Variants in UBE2E2 observed in about 807,000 individuals in gnomAD.
UBE2E2 encodes the protein ubiquitin conjugating enzyme E2 E2.
A neutral mutation model predicts 24.7 loss-of-function variants in UBE2E2; 6 were observed. The observed-to-expected ratio is 0.24, with a 90% CI of 0.13 to 0.48. UBE2E2 has a LOEUF of 0.48. UBE2E2 is among the 20% of genes least tolerant of loss of function. The probability of loss-of-function intolerance (pLI) is 0.99; values close to 1 mark genes in which losing one functional copy is unlikely to be tolerated. For synonymous variants in UBE2E2, 104 were observed against 83.6 expected (o/e 1.24, Z -1.33); for missense variants, 169 against 245.0 (o/e 0.69, Z 2.07).
intron 3 of UBE2E2, among the ~76,000 whole-genome samples, chr3:23,391,101 T>C (rs770242203): frequency 1.3e-5 from 2 of 152,228 alleles, no homozygotes; most frequent in Admixed American, 6.5e-5. Context: ...AGGTATATTA[T>C]CACTATTTTG....
intron 3 of UBE2E2, among the ~76,000 whole-genome samples, chr3:23,390,844 G>A (rs1575601163): frequency 6.6e-6 from 1 of 152,134 alleles, no homozygotes; most frequent in East Asian, 1.9e-4. Flanking sequence ...TGTTGTATAT[G>A]AACATGACAA....
rs1424561098 is a variant in UBE2E2 at position 23,407,439 on chromosome 3, A to G, written c.228-92169A>G. Among the ~76,000 whole-genome samples the G allele has an allele frequency of 6.6e-6, 1 of 152,188 alleles. No individual in the cohort carries two copies. Among genetic ancestry groups the G allele is most frequent in the African/African-American group, 2.4e-5 (1 of 41,448 alleles). On this transcript the variant is annotated intron_variant, in intron 3 of 5. Coordinates refer to ENST00000396703, the MANE Select transcript of UBE2E2 (RefSeq NM_152653.4). The surrounding 1 kb of genome is among the most constrained non-coding windows in gnomAD (Gnocchi z 4.0). ...GATTAATTGGAGGGTTTTTTCTGAAATATTTTAAACTTTTAATTCTGAAAA... is the reference window on the plus strand; with the variant it reads ...GATTAATTGGAGGGTTTTTTCTGAAGTATTTTAAACTTTTAATTCTGAAAA...
chr3:23,330,290 A>G (rs2125299847), intron 3 of UBE2E2, among the ~76,000 whole-genome samples: 1 of 152,346 alleles, frequency 6.6e-6, no homozygotes, highest in Non-Finnish European at 1.5e-5. Flanking sequence ...TGAACTCATT[A>G]GTCTCTATTA....
chr3:23,463,673 G>C (rs982029626), intron 3 of UBE2E2, among the ~76,000 whole-genome samples: 1 of 152,034 alleles, frequency 6.6e-6, no homozygotes, highest in Admixed American at 6.6e-5. Flanking sequence ...TGTTTGGCTG[G>C]CTTTTTAAAA....
At chr3:23,332,182 C>T (rs1322670035) in intron 3 of UBE2E2, among the ~76,000 whole-genome samples, 4 of 152,078 alleles carry the variant, frequency 2.6e-5, no homozygotes, top group East Asian at 1.9e-4. Flanking sequence ...GGGTTTCGGT[C>T]GCCCAGGCAA....
intron 5 of UBE2E2, among the ~76,000 whole-genome samples, chr3:23,561,599 T>G (rs1393854995): frequency 6.6e-6 from 1 of 151,680 alleles, no homozygotes; most frequent in Admixed American, 6.6e-5. Context: ...TTTTTTCCAA[T>G]TCTGTGAAGA....
Position 23,474,130 on chromosome 3 carries a change from T to C in UBE2E2, c.228-25478T>C, listed in dbSNP as rs1575653604. Reference sequence around the variant, plus strand: ...ATTGTGGTTTTGATTTGCATTTCCCTGATCATTAGTGATGTTGAGCATTTT... The same window carrying C: ...ATTGTGGTTTTGATTTGCATTTCCCCGATCATTAGTGATGTTGAGCATTTT... On this transcript the variant is annotated intron_variant, in intron 3 of 5. Coordinates refer to ENST00000396703, the MANE Select transcript of UBE2E2 (RefSeq NM_152653.4). The surrounding 1 kb of genome is among the most constrained non-coding windows in gnomAD (Gnocchi z 4.0). Among the ~76,000 whole-genome samples the C allele has an allele frequency of 6.6e-6, 1 of 152,238 alleles. No individual in the cohort carries two copies. The highest frequency in any genetic ancestry group is 1.9e-4 in the East Asian group (1 of 5,190).
chr3:23,261,841 A>G (rs951994562), intron 3 of UBE2E2, among the ~76,000 whole-genome samples: 2 of 152,160 alleles, frequency 1.3e-5, no homozygotes, highest in African/African-American at 4.8e-5. Context: ...TTATTGATAT[A>G]TACACACACT....
intron 3 of UBE2E2, among the ~76,000 whole-genome samples, chr3:23,494,581 C>A (rs1301680417): frequency 6.6e-6 from 1 of 152,056 alleles, no homozygotes; most frequent in South Asian, 2.1e-4. Flanking sequence ...GGTACATATC[C>A]AAATAGGAGT....
chr3:23,332,568 A>G (rs1695086182), intron 3 of UBE2E2, among the ~76,000 whole-genome samples: 1 of 152,214 alleles, frequency 6.6e-6, no homozygotes, highest in Non-Finnish European at 1.5e-5. Flanking sequence ...AGAAAAGTTA[A>G]TAGGATTTAT....
intron 3 of UBE2E2, among the ~76,000 whole-genome samples, chr3:23,430,311 C>T (rs1475639144): frequency 1.3e-5 from 2 of 152,106 alleles, no homozygotes; most frequent in South Asian, 2.1e-4. Flanking sequence ...ACCTTATCTC[C>T]CATCTTCTAT....
intron 3 of UBE2E2, among the ~76,000 whole-genome samples, chr3:23,272,808 C>T (rs1201313592): frequency 6.6e-6 from 1 of 152,130 alleles, no homozygotes; most frequent in Non-Finnish European, 1.5e-5. Flanking sequence ...GTCCAGAGGC[C>T]TGAGAACCAG....
chr3:23,262,074 T>A (rs1283457846), intron 3 of UBE2E2, among the ~76,000 whole-genome samples: 1 of 152,216 alleles, frequency 6.6e-6, no homozygotes, highest in Non-Finnish European at 1.5e-5. Context: ...TCTACCAGTT[T>A]ACATTCCCCA....
intron 3 of UBE2E2, among the ~76,000 whole-genome samples, chr3:23,270,277 T>C (rs1263774821): frequency 2.6e-5 from 4 of 151,678 alleles, no homozygotes; most frequent in African/African-American, 9.7e-5. Flanking sequence ...TTCCTGATGC[T>C]ACTCCTAGTC....
At chr3:23,498,084 C>CT (rs1699643822) in intron 3 of UBE2E2, among the ~76,000 whole-genome samples, 1 of 151,986 alleles carries the variant, frequency 6.6e-6, no homozygotes, top group Non-Finnish European at 1.5e-5. Context: ...TTATGTTTCC[C>CT]TTTTTTTGGA....
intron 4 of UBE2E2, among the ~76,000 whole-genome samples, chr3:23,528,616 T>C (rs957843563): frequency 1.3e-5 from 2 of 152,232 alleles, no homozygotes; most frequent in African/African-American, 4.8e-5. Flanking sequence ...CCCAAGGTTG[T>C]GGGACCCTCC....
At chr3:23,358,886 T>C (rs961335537) in intron 3 of UBE2E2, among the ~76,000 whole-genome samples, 3 of 152,206 alleles carry the variant, frequency 2.0e-5, no homozygotes, top group African/African-American at 7.2e-5. Flanking sequence ...GGTCCTATTA[T>C]TACCTTGTCA....
At chr3:23,580,980 C>G (rs1696463768) in intron 5 of UBE2E2, among the ~76,000 whole-genome samples, 1 of 152,154 alleles carries the variant, frequency 6.6e-6, no homozygotes, top group Non-Finnish European at 1.5e-5. Flanking sequence ...AACGTCAGAT[C>G]TGATTCATGT....
At chr3:23,466,775 G>A (rs960139104) in intron 3 of UBE2E2, among the ~76,000 whole-genome samples, 1 of 151,872 alleles carries the variant, frequency 6.6e-6, no homozygotes, top group Non-Finnish European at 1.5e-5. Context: ...CACCATATTG[G>A]CCAGGCTGGT....
Sources: allele counts gnomAD v4.1 joint callset (sites outside exome capture counted in the v4.1 genomes callset), GRCh38; gene constraint gnomAD v4.1.1; non-coding constraint Gnocchi (gnomAD v3.1); transcripts MANE v1.5; gene names NCBI Gene and HGNC (gene_info 2026-07-23, HGNC 2026-07-21).